Variants in CFI observed in about 807,000 individuals in gnomAD.
CFI encodes the protein complement factor I.
In CFI, 66 loss-of-function variants were observed where a neutral mutation model predicts 78.8. The ratio of observed to expected loss-of-function variants is 0.84; its 90% CI spans 0.69 to 1.03. The LOEUF is 1.03. Ranked by LOEUF, CFI falls within the 50% of genes least tolerant of loss-of-function variation. The pLI, the probability that CFI is intolerant of heterozygous loss-of-function variation, is 0.00. For missense variants in CFI, 706 were observed against 704.5 expected, an observed-to-expected ratio of 1.00 and a Z score of -0.02; for synonymous variants, 250 against 232.6, an observed-to-expected ratio of 1.07 and a Z score of -0.68.
At chr4:109,754,431 C>T in intron 7 of CFI, among the ~76,000 whole-genome samples, 2 of 125,292 alleles carry the variant, frequency 1.6e-5, no homozygotes, top group East Asian at 2.4e-4. Context: ...AAAAAAGAAT[C>T]TTCTTTTTTT....
rs528592761 is a variant in CFI, at chr4:109,783,469, A to G, written c.58-16645T>C. On this transcript the variant is annotated intron_variant, in intron 1 of 12. Coordinates refer to ENST00000394634, the MANE Select transcript of CFI (RefSeq NM_000204.5). ...CAGGGAAATGCAAATCAAAACCACA[A>G]TGTGATACCACCTTACTCCTGCAAG... Among the ~76,000 whole-genome samples, 13 of 152,174 alleles carry G rather than the reference A, an allele frequency of 8.5e-5. No individual in the cohort carries two copies. The South Asian group carries it at 2.5e-3, about 29-fold the overall frequency.
Position 109,749,301 on chromosome 4 carries a change from C to T in CFI, c.1065G>A (p.Val355=). 1 of 1,614,120 alleles carries T rather than the reference C, an allele frequency of 6.2e-7. No homozygotes were observed. The highest frequency in any genetic ancestry group is 2.2e-5 in the East Asian group (1 of 44,878). ...RAQLGDLPWQ[V]AIKDASGITC... ...TGATTCCACTGGCATCCTTAATTGC[C>T]ACCTGCCATGGGAGGTCTCCCTGTA... Residue 355 remains valine (V), a synonymous_variant, in exon 10 of 13, where the codon GTG becomes GTA. Coordinates refer to ENST00000394634, the MANE Select transcript of CFI (RefSeq NM_000204.5).
At chr4:109,784,322 T>C (rs1730477764) in intron 1 of CFI, among the ~76,000 whole-genome samples, 2 of 152,132 alleles carry the variant, frequency 1.3e-5, no homozygotes, top group South Asian at 4.1e-4. Context: ...AAGAGGGAAA[T>C]AAGCATAACA....
At position 109,761,644 on chromosome 4, in the gene CFI, A is replaced by G. The variant is rs1727077976; in HGVS notation, c.531T>C (p.Asn177=). The change falls in exon 4 of 13, where the codon AAT becomes AAC. Residue 177 remains asparagine (N), a synonymous_variant. Transcript: ENST00000394634. ...RRFKLSDLSI[N]STECLHVHCR... The stretch of plus-strand genomic sequence containing the variant: ...AATGCACATGTAGACATTCAGTGGA[A>G]TTTATAGAGAGATCAGACAACTTAA... 1.2e-6 allele frequency: 2 copies of G among 1,613,852 alleles called. No homozygotes were observed. The highest frequency in any genetic ancestry group is 1.7e-6 in the Non-Finnish European group (2 of 1,179,770).
At chr4:109,771,576 TAGTG>T (rs1728597975) in intron 1 of CFI, among the ~76,000 whole-genome samples, 4 of 147,722 alleles carry the variant, frequency 2.7e-5, no homozygotes, top group African/African-American at 1.0e-4. Context: ...TAGCCGGGCG[TAGTG>T]GTGTGTGCCT....
intron 1 of CFI, among the ~76,000 whole-genome samples, chr4:109,790,965 G>C (rs557851376): frequency 6.6e-6 from 1 of 152,312 alleles, no homozygotes; most frequent in Middle Eastern, 3.4e-3. Context: ...TATATACCCA[G>C]TAATGGGATT....
chr4:109,753,392 TTATAATATATATTTATTATATA>T (rs1191537474), intron 7 of CFI, among the ~76,000 whole-genome samples: 2 of 9,996 alleles, frequency 2.0e-4, no homozygotes, highest in African/African-American at 3.9e-4. Context: ...ATATAAATAT[TTATAATATATATTTATTATATA>T]AATAAATATT....
rs1579308809 is a variant in CFI, at chr4:109,790,612, C to A, written c.57+11303G>T. ...CCCAGCCTCCATCTTCTAATAGGCC[C>A]AGTGTGTCTGATAGGCCCCTCTATG... On this transcript the variant is annotated intron_variant, in intron 1 of 12. Transcript: ENST00000394634. 2.6e-5 allele frequency among the ~76,000 whole-genome samples: 4 copies of A among 152,190 alleles called. No homozygotes were observed. The South Asian group carries it at 8.3e-4, about 32-fold the overall frequency.
At chr4:109,757,922 T>G (rs541667655) in intron 6 of CFI, 139 bp from the exon 7 acceptor site, 1 of 1,440,426 alleles carries the variant, frequency 6.9e-7, no homozygotes, top group Non-Finnish European at 9.3e-7. Context: ...TTTTCTATTA[T>G]AAAAATGATT....
chr4:109,791,809 A>C (rs1054219799), intron 1 of CFI, among the ~76,000 whole-genome samples: 6 of 152,094 alleles, frequency 3.9e-5, no homozygotes, highest in Non-Finnish European at 7.4e-5. Flanking sequence ...ATTTACTGCT[A>C]TACATTTATC....
downstream of CFI, among the ~76,000 whole-genome samples, chr4:109,737,101 A>G (rs1221381291): frequency 2.6e-5 from 4 of 152,010 alleles, no homozygotes; most frequent in African/African-American, 9.7e-5. Flanking sequence ...TTTTCATTTG[A>G]TTACTCCAAG....
chr4:109,759,370 T>G (rs1476409703), intron 6 of CFI, among the ~76,000 whole-genome samples: 1 of 152,104 alleles, frequency 6.6e-6, no homozygotes, highest in Non-Finnish European at 1.5e-5. Context: ...ACATTCAGAT[T>G]CTTTTAGATC....
intron 11 of CFI, among the ~76,000 whole-genome samples, chr4:109,745,460 C>T (rs1724297602): frequency 6.6e-6 from 1 of 152,138 alleles, no homozygotes; most frequent in African/African-American, 2.4e-5. Flanking sequence ...AGCTACTATG[C>T]CCAGCCCAAG....
At chr4:109,755,988 A>G (rs899983962) in intron 7 of CFI, among the ~76,000 whole-genome samples, 10 of 152,214 alleles carry the variant, frequency 6.6e-5, no homozygotes, top group Non-Finnish European at 2.9e-5. Context: ...AGGTCTTTAA[A>G]ATGTAATGAG....
At chr4:109,791,925 T>C (rs1162909226) in intron 1 of CFI, among the ~76,000 whole-genome samples, 1 of 152,224 alleles carries the variant, frequency 6.6e-6, no homozygotes, top group Non-Finnish European at 1.5e-5. Flanking sequence ...TCTTTGACCA[T>C]TGGTTGCTTA....
At chr4:109,754,437 T>TC (rs1439955949) in intron 7 of CFI, among the ~76,000 whole-genome samples, 2 of 150,868 alleles carry the variant, frequency 1.3e-5, no homozygotes, top group African/African-American at 4.9e-5. Context: ...GAATCTTCTT[T>TC]TTTTTTTTTA....
At position 109,767,400 on chromosome 4, in the gene CFI, T is replaced by A. The variant is rs1213838412; in HGVS notation, c.58-576A>T. Among the ~76,000 whole-genome samples the A allele has an allele frequency of 6.0e-5, 9 of 151,116 alleles. No individual in the cohort carries two copies. The East Asian group carries it at 1.4e-3, about 23-fold the overall frequency. On this transcript the variant is annotated intron_variant, in intron 1 of 12. Coordinates refer to ENST00000394634, the MANE Select transcript of CFI (RefSeq NM_000204.5). Reference sequence around the variant, plus strand: ...CTACTCATCTGACAAAGGGCTAATATCCAGAATCTACAATGAACTCAAACA... The same window carrying A: ...CTACTCATCTGACAAAGGGCTAATAACCAGAATCTACAATGAACTCAAACA...
chr4:109,749,050 C>T (rs80232955), intron 10 of CFI, among the ~76,000 whole-genome samples, 168 bp downstream of exon 10: 4 of 152,252 alleles, frequency 2.6e-5, no homozygotes, highest in Admixed American at 6.5e-5. Flanking sequence ...GTAGATTCTA[C>T]GGGATTAGCC....
chr4:109,783,146 A>G (rs1730278435), intron 1 of CFI, among the ~76,000 whole-genome samples: 1 of 152,196 alleles, frequency 6.6e-6, no homozygotes, highest in Non-Finnish European at 1.5e-5. Flanking sequence ...AGAACCCAAA[A>G]GCAAATGCAA....
Sources: allele counts gnomAD v4.1 joint callset (sites outside exome capture counted in the v4.1 genomes callset), GRCh38; gene constraint gnomAD v4.1.1; transcripts MANE v1.5; gene names NCBI Gene and HGNC (gene_info 2026-07-23, HGNC 2026-07-21).